PHF2: variants seen among roughly 807,000 people sequenced by gnomAD.
The protein encoded by PHF2 is lysine-specific demethylase PHF2.
A neutral mutation model predicts 120.5 loss-of-function variants in PHF2; 27 were observed. The observed-to-expected ratio is 0.22, with a 90% CI of 0.17 to 0.31. The LOEUF (loss-of-function observed/expected upper bound fraction) is 0.31. Among genes scored for constraint, PHF2 ranks in the 10% least tolerant of loss-of-function variants. The pLI is 1.00. For synonymous variants in PHF2, 568 were observed against 592.5 expected, an observed-to-expected ratio of 0.96 and a Z score of 0.60; for missense variants, 1,024 against 1,434.8, an observed-to-expected ratio of 0.71 and a Z score of 4.63.
At chr9:93,629,736 C>T (rs1228609108) in intron 1 of PHF2, among the ~76,000 whole-genome samples, 2 of 152,116 alleles carry the variant, frequency 1.3e-5, no homozygotes, top group African/African-American at 2.4e-5. Flanking sequence ...CATGGTGGGG[C>T]ATATCCAGAC....
Position 93,664,464 on chromosome 9 carries a change from C to T in PHF2, c.1937+829C>T, listed in dbSNP as rs1250435759. On this transcript the variant is annotated intron_variant, in intron 14 of 21. Transcript: ENST00000359246. ...GGCCCCAGGCCTGGCCGGAGTCAGACAGGTCCCAGCAGGAGGGGCGGCCAC... is the reference window on the plus strand; with the variant it reads ...GGCCCCAGGCCTGGCCGGAGTCAGATAGGTCCCAGCAGGAGGGGCGGCCAC... Among the ~76,000 whole-genome samples, 4 of 152,340 alleles carry T rather than the reference C, an allele frequency of 2.6e-5. No homozygotes were observed. The East Asian group carries it at 7.7e-4, about 29-fold the overall frequency.
At chr9:93,646,789 C>T (rs1294678488) in intron 4 of PHF2, among the ~76,000 whole-genome samples, 2 of 152,150 alleles carry the variant, frequency 1.3e-5, no homozygotes, top group Admixed American at 1.3e-4. Flanking sequence ...CTCCCAAACT[C>T]GTCATGAAGA....
intron 17 of PHF2, among the ~76,000 whole-genome samples, 171 bp from the exon 18 acceptor site, chr9:93,673,414 T>A (rs903910194): frequency 5.3e-5 from 8 of 152,048 alleles, no homozygotes; most frequent in Non-Finnish European, 1.0e-4. Flanking sequence ...GCTGGCCTCT[T>A]CCAAGGGAGA....
intron 2 of PHF2, among the ~76,000 whole-genome samples, chr9:93,633,886 C>T (rs1005773797): frequency 2.2e-4 from 34 of 152,276 alleles, no homozygotes; most frequent in African/African-American, 8.2e-4. Context: ...TGGGCTGCCT[C>T]CTTTTCTTTG....
intron 1 of PHF2, among the ~76,000 whole-genome samples, chr9:93,593,249 C>T (rs1825269072): frequency 6.6e-6 from 1 of 152,084 alleles, no homozygotes; most frequent in African/African-American, 2.4e-5. Flanking sequence ...AGGGCTGCAC[C>T]CCCTGGACCC....
intron 18 of PHF2, among the ~76,000 whole-genome samples, chr9:93,674,345 A>G (rs1196770078): frequency 6.6e-6 from 1 of 152,098 alleles, no homozygotes; most frequent in Non-Finnish European, 1.5e-5. Context: ...CCCTCCACCT[A>G]GACCCGCCAG....
At chr9:93,601,468 C>T (rs1018821702) in intron 1 of PHF2, among the ~76,000 whole-genome samples, 10 of 152,076 alleles carry the variant, frequency 6.6e-5, no homozygotes, top group Non-Finnish European at 1.2e-4. Context: ...TCTTTTTTTC[C>T]CTTCAGTGTC....
chr9:93,644,688 G>T (rs1368969578), intron 3 of PHF2, among the ~76,000 whole-genome samples: 1 of 152,172 alleles, frequency 6.6e-6, no homozygotes, highest in Admixed American at 6.5e-5. Context: ...GTTCTAGCGG[G>T]CCCTGTGGAC....
chr9:93,595,849 C>T (rs939125848), intron 1 of PHF2, among the ~76,000 whole-genome samples: 2 of 152,210 alleles, frequency 1.3e-5, no homozygotes, highest in Non-Finnish European at 2.9e-5. Flanking sequence ...TCCATTTTCT[C>T]TATAATCCCT....
At chr9:93,616,896 T>C (rs1001943881) in intron 1 of PHF2, among the ~76,000 whole-genome samples, 10 of 152,270 alleles carry the variant, frequency 6.6e-5, no homozygotes, top group Admixed American at 4.6e-4. Flanking sequence ...CCTCAGGTGA[T>C]CCACCCACCT....
At position 93,576,758 on chromosome 9, in the gene PHF2, G is replaced by A; in HGVS notation, c.-16G>A. ...CAGCGCAGCGGCGGGGCCGAGCGGCGGCGCGGCGCGGCAACATGGCGACGG... is the reference window on the plus strand; with the variant it reads ...CAGCGCAGCGGCGGGGCCGAGCGGCAGCGCGGCGCGGCAACATGGCGACGG... On this transcript the variant is annotated 5_prime_UTR_variant, in exon 1 of 22. Coordinates refer to ENST00000359246, the MANE Select transcript of PHF2 (RefSeq NM_005392.4). The A allele has an allele frequency of 4.2e-6, 5 of 1,191,028 alleles. No individual in the cohort carries two copies. The highest frequency in any genetic ancestry group is 5.4e-6 in the Non-Finnish European group (5 of 932,322). 73.8% of individuals were successfully genotyped at this position (1,191,028 alleles called of 1,614,324 possible).
chr9:93,658,389 G>A (rs187242083), intron 10 of PHF2, among the ~76,000 whole-genome samples, 153 bp downstream of exon 10: 417 of 152,298 alleles, frequency 2.7e-3, no homozygotes, highest in African/African-American at 7.8e-3. Flanking sequence ...GGCTTGGCCC[G>A]GGGTGTGCCT....
intron 1 of PHF2, among the ~76,000 whole-genome samples, chr9:93,583,221 T>C (rs1478783454): frequency 6.6e-6 from 1 of 152,380 alleles, no homozygotes; most frequent in East Asian, 1.9e-4. Context: ...TTGAGGTTCA[T>C]CCACATTGTA....
At chr9:93,665,617 G>C in intron 14 of PHF2, 69 bp from the exon 15 acceptor site, 1 of 1,545,384 alleles carries the variant, frequency 6.5e-7, no homozygotes, top group Non-Finnish European at 8.8e-7. Context: ...AGGACCCCTC[G>C]GGAGGTCCTA....
chr9:93,624,085 G>A (rs890866321), intron 1 of PHF2, among the ~76,000 whole-genome samples: 10 of 152,250 alleles, frequency 6.6e-5, no homozygotes, highest in Admixed American at 5.9e-4. Context: ...TTCTGTGTCT[G>A]GGCAGGCACT....
At chr9:93,587,914 A>G (rs1335910454) in intron 1 of PHF2, among the ~76,000 whole-genome samples, 1 of 152,028 alleles carries the variant, frequency 6.6e-6, no homozygotes, top group Non-Finnish European at 1.5e-5. Flanking sequence ...GTAGCCCTTG[A>G]CCCTGCCATT....
At position 93,675,293 on chromosome 9, in the gene PHF2, C is replaced by T. The variant is rs532964067; in HGVS notation, c.2722+271C>T. On this transcript the variant is annotated intron_variant, in intron 19 of 21. Transcript: ENST00000359246. Reference sequence around the variant, plus strand: ...CCTCACTCCTCTGGCTGGCTCCTCTCTGGTTTCTTCCTCAATGGGCAGCTC... The same window carrying T: ...CCTCACTCCTCTGGCTGGCTCCTCTTTGGTTTCTTCCTCAATGGGCAGCTC... 5.3e-5 allele frequency among the ~76,000 whole-genome samples: 8 copies of T among 152,366 alleles called. No individual in the cohort carries two copies. In the East Asian group the frequency reaches 1.5e-3, roughly 29 times the overall value.
intron 1 of PHF2, among the ~76,000 whole-genome samples, chr9:93,585,590 G>A (rs140017905): frequency 4.6e-5 from 7 of 152,370 alleles, no homozygotes; most frequent in Non-Finnish European, 1.0e-4. Context: ...CAAGGCCACA[G>A]TATTGGACAA....
intron 16 of PHF2, among the ~76,000 whole-genome samples, 200 bp downstream of exon 16, chr9:93,666,260 G>C (rs564714105): frequency 6.6e-6 from 1 of 152,286 alleles, no homozygotes; most frequent in East Asian, 1.9e-4. Context: ...ATCTCTGCCT[G>C]GGCGTGCGAG....
Sources: gnomAD v4.1 joint callset for allele counts (sites outside exome capture counted in the v4.1 genomes callset) on GRCh38, gnomAD v4.1.1 for gene constraint, MANE v1.5 for transcripts, NCBI Gene and HGNC (gene_info 2026-07-23, HGNC 2026-07-21) for gene names.